Variants in NUFIP1 observed in about 807,000 individuals in gnomAD.
The protein encoded by NUFIP1 is nuclear FMR1 interacting protein 1, also known as FMR1-interacting protein NUFIP1.
NUFIP1 carries 38 observed loss-of-function variants against 56.2 expected under a neutral mutation model. The ratio of observed to expected loss-of-function variants is 0.68; its 90% CI spans 0.52 to 0.89. The LOEUF is 0.89. Ranked by LOEUF, NUFIP1 falls within the 40% of genes least tolerant of loss-of-function variation. The pLI, the probability that NUFIP1 is intolerant of heterozygous loss-of-function variation, is 0.00. For synonymous variants in NUFIP1, 215 were observed against 212.4 expected (o/e 1.01, Z -0.10); for missense variants, 567 against 605.8 (o/e 0.94, Z 0.67).
chr13:44,952,438 T>C (rs1193111269), intron 7 of NUFIP1, among the ~76,000 whole-genome samples: 1 of 152,202 alleles, frequency 6.6e-6, no homozygotes, highest in East Asian at 1.9e-4. Flanking sequence ...ACATTTTCTA[T>C]ATTACTTTTA....
chr13:44,949,961 G>C, intron 7 of NUFIP1, 123 bp from the exon 8 acceptor site: 1 of 711,218 alleles, frequency 1.4e-6, no homozygotes, highest in Non-Finnish European at 2.5e-6. Context: ...CTTTCCAAAA[G>C]ACTAATTCTA....
chr13:44,980,156 A>C (rs1293309393), intron 3 of NUFIP1, among the ~76,000 whole-genome samples: 3 of 152,248 alleles, frequency 2.0e-5, no homozygotes, highest in Non-Finnish European at 4.4e-5. Context: ...TGGCACAATA[A>C]TATATCTTAT....
At chr13:44,986,691 CAAA>C (rs1190227669) in intron 1 of NUFIP1, among the ~76,000 whole-genome samples, 4 of 54,030 alleles carry the variant, frequency 7.4e-5, no homozygotes, top group Non-Finnish European at 7.5e-5. Context: ...GACTCCATCT[CAAA>C]AAAAAAAAAA....
At chr13:44,952,514 A>G (rs1871115957) in intron 7 of NUFIP1, among the ~76,000 whole-genome samples, 1 of 152,216 alleles carries the variant, frequency 6.6e-6, no homozygotes, top group Non-Finnish European at 1.5e-5. Context: ...TGTATTCTTC[A>G]CAATCCAATT....
chr13:44,963,225 G>A (rs942564026), intron 6 of NUFIP1, among the ~76,000 whole-genome samples: 1 of 152,146 alleles, frequency 6.6e-6, no homozygotes, highest in South Asian at 2.1e-4. Flanking sequence ...GAATTTTTCT[G>A]AGCAATGTTT....
At chr13:44,987,680 T>A (rs1313064149) in intron 1 of NUFIP1, among the ~76,000 whole-genome samples, 5 of 152,186 alleles carry the variant, frequency 3.3e-5, no homozygotes, top group African/African-American at 1.2e-4. Context: ...TCCAACTACT[T>A]CTCACCATCC....
intron 7 of NUFIP1, among the ~76,000 whole-genome samples, chr13:44,956,026 C>G (rs1019422387): frequency 3.3e-5 from 5 of 151,496 alleles, no homozygotes; most frequent in Admixed American, 3.3e-4. Flanking sequence ...GCCTGTAGTC[C>G]CAGCTACTCG....
intron 5 of NUFIP1, among the ~76,000 whole-genome samples, chr13:44,976,210 C>G (rs1871969990): frequency 6.6e-6 from 1 of 152,084 alleles, no homozygotes; most frequent in African/African-American, 2.4e-5. Context: ...GTCATCAGCT[C>G]TTTATAATGT....
chr13:44,965,642 C>T (rs1566060626), intron 6 of NUFIP1, among the ~76,000 whole-genome samples: 1 of 151,978 alleles, frequency 6.6e-6, no homozygotes, highest in Non-Finnish European at 1.5e-5. Context: ...TGCAGTGAGC[C>T]GAGATGGCGC....
intron 7 of NUFIP1, among the ~76,000 whole-genome samples, chr13:44,954,033 A>C (rs1871154529): frequency 6.8e-6 from 1 of 147,120 alleles, no homozygotes; most frequent in African/African-American, 2.4e-5. Context: ...GAAAGAAAGA[A>C]AAGTCCCTGG....
chr13:44,947,998 C>G (rs576857600), intron 8 of NUFIP1, among the ~76,000 whole-genome samples: 3 of 152,224 alleles, frequency 2.0e-5, no homozygotes, highest in Non-Finnish European at 4.4e-5. Flanking sequence ...AAAAAACTTC[C>G]CATGTTACAG....
At chr13:44,952,230 G>A (rs540192109) in intron 7 of NUFIP1, among the ~76,000 whole-genome samples, 4 of 152,110 alleles carry the variant, frequency 2.6e-5, no homozygotes, top group African/African-American at 7.2e-5. Flanking sequence ...GAGTTCAAGC[G>A]ATTCTCCCCT....
chr13:44,965,786 G>C, intron 6 of NUFIP1, 58 bp downstream of exon 6: 1 of 855,188 alleles, frequency 1.2e-6, no homozygotes. Context: ...GAGTACATAA[G>C]GGTTTTAAGA....
chr13:44,979,261 A>G lies in NUFIP1; in HGVS notation c.663T>C (p.His221=), dbSNP rs935020684. 6.2e-7 allele frequency: 1 copy of G among 1,613,124 alleles called. No homozygotes were observed. The highest frequency in any genetic ancestry group is 1.3e-5 in the African/African-American group (1 of 74,998). The change falls in exon 5 of 10, where the codon CAT becomes CAC. Residue 221 remains histidine, a synonymous_variant. Transcript: ENST00000379161. ...KIVQFHWRNM[H]APGMKKIKLD... is the part of the protein sequence containing the mutation. ...ACTTGATCTTCTTCATGCCAGGAGCATGCATCTAGGGGGAAAAAGCCTGCT... is the reference window on the plus strand; with the variant it reads ...ACTTGATCTTCTTCATGCCAGGAGCGTGCATCTAGGGGGAAAAAGCCTGCT...
chr13:44,961,274 T>G (rs1054230933), intron 6 of NUFIP1, among the ~76,000 whole-genome samples: 1 of 152,142 alleles, frequency 6.6e-6, no homozygotes, highest in Non-Finnish European at 1.5e-5. Context: ...TAATGGAGGA[T>G]GCAGTAAATA....
At chr13:44,973,321 A>G (rs767998515) in intron 5 of NUFIP1, among the ~76,000 whole-genome samples, 3 of 152,226 alleles carry the variant, frequency 2.0e-5, no homozygotes, top group Non-Finnish European at 4.4e-5. Flanking sequence ...TAGTTACACT[A>G]TAATTTCCAA....
At chr13:44,962,109 G>T (rs1363562122) in intron 6 of NUFIP1, among the ~76,000 whole-genome samples, 1 of 152,092 alleles carries the variant, frequency 6.6e-6, no homozygotes, top group African/African-American at 2.4e-5. Flanking sequence ...CCATCCAAAA[G>T]AAGGCAAGAA....
chr13:44,979,249 C>T lies in NUFIP1; in HGVS notation c.675G>A (p.Met225Ile). The change falls in exon 5 of 10, where the codon ATG (methionine) becomes ATA (isoleucine). Residue 225 changes from methionine to isoleucine, a missense_variant. By Grantham distance (10) the Met-to-Ile change is conservative. Transcript: ENST00000379161. ...CTGGAGTGTCTAACTTGATCTTCTT[C>T]ATGCCAGGAGCATGCATCTAGGGGG... is the stretch of plus-strand genomic sequence containing the variant. Reference protein sequence around the residue: ...FHWRNMHAPGMKKIKLDTPEE... With the variant: ...FHWRNMHAPGIKKIKLDTPEE... 3 of 1,613,512 alleles carry T rather than the reference C, an allele frequency of 1.9e-6. No homozygotes were observed. Among genetic ancestry groups the T allele is most frequent in the Non-Finnish European group, 2.5e-6 (3 of 1,179,820 alleles).
At chr13:44,968,151 C>T (rs1407163090) in intron 5 of NUFIP1, among the ~76,000 whole-genome samples, 1 of 151,604 alleles carries the variant, frequency 6.6e-6, no homozygotes, top group Non-Finnish European at 1.5e-5. Context: ...AAATAGACTC[C>T]ATAAAAAAAG....
Sources: gnomAD v4.1 joint callset for allele counts (sites outside exome capture counted in the v4.1 genomes callset) on GRCh38, gnomAD v4.1.1 for gene constraint, MANE v1.5 for transcripts, NCBI Gene and HGNC (gene_info 2026-07-23, HGNC 2026-07-21) for gene names.